Variants in LMO2 observed in about 807,000 individuals in gnomAD.
The protein encoded by LMO2 is rhombotin-2.
LMO2 carries 20 observed loss-of-function variants against 23.2 expected under a neutral mutation model. That is an observed-to-expected ratio of 0.86 (90% CI 0.61 to 1.25). The LOEUF is 1.25. Ranked by LOEUF, LMO2 falls within the 50% of genes most tolerant of loss-of-function variation. The pLI, the probability that LMO2 is intolerant of heterozygous loss-of-function variation, is 0.00. For missense variants in LMO2, 270 were observed against 315.3 expected (o/e 0.86, Z 1.09); for synonymous variants, 123 against 130.2 (o/e 0.94, Z 0.38).
At position 33,864,892 on chromosome 11, in the gene LMO2, G is replaced by T; in HGVS notation, c.249-75C>A. ...CACCGAGGGTCCGAGATCGTTTTGG[G>T]CCAGACAGGGCATCTCACCTGACTG... On this transcript the variant is annotated intron_variant, in intron 4 of 5. Coordinates refer to ENST00000257818, the MANE Select transcript of LMO2 (RefSeq NM_005574.4). This position sits in a 1 kb window ranked among gnomAD's most constrained non-coding sequence, Gnocchi z 4.8. The T allele has an allele frequency of 7.5e-7, 1 of 1,326,318 alleles. No homozygotes were observed. Among genetic ancestry groups the T allele is most frequent in the Non-Finnish European group, 1.1e-6 (1 of 930,472 alleles). 82.2% of individuals were successfully genotyped at this position (1,326,318 alleles called of 1,614,324 possible).
chr11:33,869,174 C>T (rs909089668), intron 4 of LMO2, among the ~76,000 whole-genome samples, 172 bp downstream of exon 4: 2 of 152,040 alleles, frequency 1.3e-5, no homozygotes, highest in Non-Finnish European at 2.9e-5. Flanking sequence ...TCTCCCAGAG[C>T]CCCCGGAATC....
At chr11:33,867,963 A>T (rs567760416) in intron 4 of LMO2, among the ~76,000 whole-genome samples, 39 of 152,326 alleles carry the variant, frequency 2.6e-4, no homozygotes, top group Non-Finnish European at 5.1e-4. Context: ...AGTTTATTTT[A>T]AAAAAGTGAT....
chr11:33,861,370 T>C (rs1424843462), intron 5 of LMO2, among the ~76,000 whole-genome samples: 1 of 152,174 alleles, frequency 6.6e-6, no homozygotes, highest in Non-Finnish European at 1.5e-5. Context: ...TTGACACATT[T>C]TGCAATATTT....
intron 5 of LMO2, among the ~76,000 whole-genome samples, chr11:33,862,264 G>C (rs1286703193): frequency 6.6e-6 from 1 of 152,172 alleles, no homozygotes; most frequent in Non-Finnish European, 1.5e-5. Context: ...GCGGGGCTTG[G>C]TACTCCCACC....
In LMO2 at chr11:33,869,335, G is replaced by A; in HGVS notation, c.248+11C>T. ...CACCGGGGGTGGCAGGGGCAGGGGG[G>A]CCGCACTTACTCTGAAGGGTCCAGG... On this transcript the variant is annotated intron_variant, in intron 4 of 5. Coordinates refer to ENST00000257818, the MANE Select transcript of LMO2 (RefSeq NM_005574.4). 2.5e-6 allele frequency: 3 copies of A among 1,192,650 alleles called. No homozygotes were observed. The highest frequency in any genetic ancestry group is 3.1e-6 in the Non-Finnish European group (3 of 953,832). The allele number at this position is 1,192,650 out of a possible 1,614,324, so 73.9% of individuals were successfully genotyped here.
At chr11:33,873,756 G>T (rs1218458235) in intron 2 of LMO2, among the ~76,000 whole-genome samples, 1 of 152,038 alleles carries the variant, frequency 6.6e-6, no homozygotes, top group East Asian at 1.9e-4. Context: ...GCTAGAAGAA[G>T]AATGAATCAA....
At chr11:33,888,210 C>T (rs1035981603) in intron 1 of LMO2, among the ~76,000 whole-genome samples, 3 of 152,198 alleles carry the variant, frequency 2.0e-5, no homozygotes, top group Non-Finnish European at 4.4e-5. Context: ...CGTATATGAT[C>T]TCGCTCATCC....
chr11:33,878,026 A>G (rs1195583925), intron 2 of LMO2, among the ~76,000 whole-genome samples: 2 of 152,174 alleles, frequency 1.3e-5, no homozygotes, highest in Non-Finnish European at 2.9e-5. Context: ...ATAGTTCCCT[A>G]TCGTCCATGA....
chr11:33,873,979 T>C (rs935068122), intron 2 of LMO2, among the ~76,000 whole-genome samples: 2 of 152,228 alleles, frequency 1.3e-5, no homozygotes, highest in African/African-American at 2.4e-5. Context: ...TACCTCTCTT[T>C]TTTTTTCAAC....
At chr11:33,888,926 A>G (rs2133720531) in intron 1 of LMO2, among the ~76,000 whole-genome samples, 1 of 152,362 alleles carries the variant, frequency 6.6e-6, no homozygotes, top group South Asian at 2.1e-4. Flanking sequence ...ACTGAGGCTC[A>G]GGAAGGGTAC....
chr11:33,870,617 G>A, intron 2 of LMO2: 1 of 970,486 alleles, frequency 1.0e-6, no homozygotes, highest in Non-Finnish European at 1.2e-6. Flanking sequence ...GTGGCTGGGA[G>A]GGACCACGCG....
chr11:33,887,784 G>A (rs1565038441), intron 1 of LMO2, among the ~76,000 whole-genome samples: 1 of 152,112 alleles, frequency 6.6e-6, no homozygotes, highest in Non-Finnish European at 1.5e-5. Context: ...ATGTTGCTCA[G>A]GCTGATCTCA....
At chr11:33,867,890 A>G (rs1309618653) in intron 4 of LMO2, among the ~76,000 whole-genome samples, 1 of 152,226 alleles carries the variant, frequency 6.6e-6, no homozygotes, top group Non-Finnish European at 1.5e-5. Flanking sequence ...AATTCATCCA[A>G]TTCACTCCCT....
intron 2 of LMO2, among the ~76,000 whole-genome samples, chr11:33,877,857 G>C (rs992501684): frequency 4.4e-5 from 5 of 112,576 alleles, no homozygotes; most frequent in Non-Finnish European, 7.9e-5. Context: ...ATTGTTGAGG[G>C]AGGTATCCTT....
chr11:33,870,070 C>CTT (rs10608793), intron 2 of LMO2, 83 bp from the exon 3 acceptor site: 469 of 238,108 alleles, frequency 2.0e-3, no homozygotes, highest in East Asian at 4.0e-3. Context: ...TTTTTTCTTC[C>CTT]TTTTTTTTTT....
rs543577545 is a variant in LMO2, at chr11:33,869,312, C to T, written c.248+34G>A. 809 of 1,155,260 alleles carry T rather than the reference C, an allele frequency of 7.0e-4. 5 individuals carry two copies. The African/African-American group carries it at 0.012, about 17-fold the overall frequency. 71.6% of individuals were successfully genotyped at this position (1,155,260 alleles called of 1,614,324 possible). A position where few individuals can be genotyped will look rare whatever the true frequency, so the allele number is the denominator to read the frequency against. Reference sequence around the variant, plus strand: ...GCTCCGGGACGCGAGGCCGTGGACACCGGGGGTGGCAGGGGCAGGGGGGCC... The same window carrying T: ...GCTCCGGGACGCGAGGCCGTGGACATCGGGGGTGGCAGGGGCAGGGGGGCC... On this transcript the variant is annotated intron_variant, in intron 4 of 5. Transcript: ENST00000257818.
Position 33,869,700 on chromosome 11 carries a change from AG to A in LMO2, c.7+9del. The stretch of plus-strand genomic sequence containing the variant: ...GCGGCTGCAGCTGCTGCTGCTGCTC[AG>A]GACTTAACCTTCCATCCCGGTCCCG... On this transcript the variant is annotated intron_variant, in intron 3 of 5. Coordinates refer to ENST00000257818, the MANE Select transcript of LMO2 (RefSeq NM_005574.4). The A allele has an allele frequency of 7.7e-7, 1 of 1,296,664 alleles. No homozygotes were observed. 80.3% of individuals were successfully genotyped at this position (1,296,664 alleles called of 1,614,324 possible).
chr11:33,873,421 C>T lies in LMO2; in HGVS notation c.-271-3434G>A, dbSNP rs59044277. Among the ~76,000 whole-genome samples the T allele has an allele frequency of 5.5e-3, 838 of 152,240 alleles. 8 individuals carry two copies. The highest frequency in any genetic ancestry group is 0.018 in the African/African-American group (760 of 41,514). On this transcript the variant is annotated intron_variant, in intron 2 of 5. Transcript: ENST00000257818. ...CCGGTGGGATTTCATTCCTATTCAA[C>T]GGGCAATTAAATTGCTCAAATTTAA...
Position 33,869,419 on chromosome 11 carries a change from G to T in LMO2, c.175C>A (p.Pro59Thr), listed in dbSNP as rs1350515276. Residue 59 changes from proline (P) to threonine (T), a missense_variant, in exon 4 of 6, where the codon CCC becomes ACC. Physicochemically the swap from Pro to Thr is conservative, Grantham distance 38. Around this residue, in one of 2 missense-constraint regions of LMO2, gnomAD observed 170 missense variants for 162.0 expected, o/e 1.05. Coordinates refer to ENST00000257818, the MANE Select transcript of LMO2 (RefSeq NM_005574.4). ...AGQPRATKGA[P>T]PPPGTPPPSP... ...GGAGGCGGGGTGCCGGGCGGCGGGG[G>T]CGCTCCCTTTGTGGCGCGGGGCTGG... 32 of 1,200,116 alleles carry T rather than the reference G, an allele frequency of 2.7e-5. No homozygotes were observed. Among genetic ancestry groups the T allele is most frequent in the Non-Finnish European group, 3.3e-5 (32 of 962,006 alleles). 74.3% of individuals were successfully genotyped at this position (1,200,116 alleles called of 1,614,324 possible). A position where few individuals can be genotyped will look rare whatever the true frequency, so the allele number is the denominator to read the frequency against.
Sources: gnomAD v4.1 joint callset for allele counts (sites outside exome capture counted in the v4.1 genomes callset) on GRCh38, gnomAD v4.1.1 for gene constraint, gnomAD v4.1.1 regional missense constraint, Gnocchi (gnomAD v3.1) non-coding constraint, MANE v1.5 for transcripts, NCBI Gene and HGNC (gene_info 2026-07-23, HGNC 2026-07-21) for gene names.